GRIP2: variants seen among roughly 807,000 people sequenced by gnomAD.
GRIP2 encodes the protein glutamate receptor-interacting protein 2.
A neutral mutation model predicts 108.3 loss-of-function variants in GRIP2; 58 were observed. The ratio of observed to expected loss-of-function variants is 0.54; its 90% CI spans 0.43 to 0.67. GRIP2 has a LOEUF of 0.67. Among genes scored for constraint, GRIP2 ranks in the 30% least tolerant of loss-of-function variants. GRIP2 has a pLI of 0.00. For missense variants in GRIP2, 1,278 were observed against 1,430.6 expected (o/e 0.89, Z 1.72); for synonymous variants, 586 against 598.2 (o/e 0.98, Z 0.30).
the GRIP2 span, among the ~76,000 whole-genome samples, chr3:14,587,277 G>C: frequency 6.6e-6 from 1 of 152,170 alleles, no homozygotes; most frequent in Non-Finnish European, 1.5e-5. Context: ...AACATCTTAT[G>C]TGGTTTTATA....
At chr3:14,574,322 G>T in the GRIP2 span, 1 of 1,018,504 alleles carries the variant, frequency 9.8e-7, no homozygotes, top group Non-Finnish European at 1.5e-6. Flanking sequence ...GCTTCTCCCG[G>T]GCGAAGAGTT....
In GRIP2 at chr3:14,523,621, CA is replaced by C; in HGVS notation, c.480del (p.Phe160LeufsTer19). ...CAATTCTTTCACTGACCTCTAAGGACAAAGCCAAAGCTATTGCCCTCCTTGT... is the reference window on the plus strand; with the variant it reads ...CAATTCTTTCACTGACCTCTAAGGACAAGCCAAAGCTATTGCCCTCCTTGT... ...SLYKEGNSFGFVLRGGAHEDG... is the reference protein window; with the variant it reads ...SLYKEGNSFGXVLRGGAHEDG... On this transcript the variant is annotated frameshift_variant, in exon 5 of 24. Transcript: ENST00000621039. LOFTEE classifies it high-confidence loss of function. 1 of 1,610,432 alleles carries C rather than the reference CA, an allele frequency of 6.2e-7. No individual in the cohort carries two copies. The highest frequency in any genetic ancestry group is 8.5e-7 in the Non-Finnish European group (1 of 1,178,012).
At position 14,517,868 on chromosome 3, in the gene GRIP2, G is replaced by A. The variant is rs766642213; in HGVS notation, c.1060C>T (p.Arg354Cys). 37 of 1,593,092 alleles carry A rather than the reference G, an allele frequency of 2.3e-5. No individual in the cohort carries two copies. Among genetic ancestry groups the A allele is most frequent in the Admixed American group, 5.3e-5 (3 of 56,974 alleles). Residue 354 changes from arginine (R) to cysteine (C), a missense_variant, in exon 10 of 24, where the codon CGC becomes TGC. Physicochemically the swap from Arg to Cys is radical, Grantham distance 180 (BLOSUM62 -3). Transcript: ENST00000621039. ...VKVQRSEQLH[R>C]WDPCVPSCHS... ...CAGGAGGGCACGCAGGGGTCCCAGC[G>A]GTGCAGCTGCTCACTCCTCTGCACT...
intron 21 of GRIP2, among the ~76,000 whole-genome samples, chr3:14,500,782 T>G (rs7624314): frequency 6.6e-6 from 1 of 152,118 alleles, no homozygotes; most frequent in Admixed American, 6.5e-5. Context: ...AAAAGGGGTA[T>G]GCAAGAAGCA....
Position 14,513,707 on chromosome 3 carries a change from G to C in GRIP2, c.1597C>G (p.Leu533Val). 1 of 1,610,834 alleles carries C rather than the reference G, an allele frequency of 6.2e-7. No homozygotes were observed. Among genetic ancestry groups the C allele is most frequent in the Non-Finnish European group, 8.5e-7 (1 of 1,178,738 alleles). The stretch of plus-strand genomic sequence containing the variant: ...ACCTCCAGCACGACCTTGTGGGCCA[G>C]TGCGGCGTCCCGCAGGAGCTGGTTG... ...EANQLLRDAA[L>V]AHKVVLEVEF... Residue 533 changes from leucine to valine, a missense_variant, in exon 13 of 24, where the codon CTG (leucine) becomes GTG (valine). Leu to Val is a conservative substitution (Grantham distance 32). Coordinates refer to ENST00000621039, the MANE Select transcript of GRIP2 (RefSeq NM_001080423.4).
the GRIP2 span, among the ~76,000 whole-genome samples, chr3:14,580,226 G>A: frequency 1.3e-5 from 2 of 152,222 alleles, no homozygotes; most frequent in Non-Finnish European, 1.5e-5. Flanking sequence ...CCAAGTCCTG[G>A]TGGCCCCAGA....
chr3:14,555,884 C>G (rs1004963351), intron 1 of GRIP2: 17 of 399,230 alleles, frequency 4.3e-5, no homozygotes, highest in Non-Finnish European at 7.1e-5. Context: ...CGCCCTCCAC[C>G]CAGACTCACC....
chr3:14,601,244 GC>G, the GRIP2 span, among the ~76,000 whole-genome samples: 36 of 152,198 alleles, frequency 2.4e-4, no homozygotes, highest in South Asian at 8.3e-4. Flanking sequence ...AGGACAGGTT[GC>G]CCCCCACCCC....
chr3:14,553,952 T>C (rs537900964), intron 1 of GRIP2, among the ~76,000 whole-genome samples: 5 of 152,240 alleles, frequency 3.3e-5, no homozygotes, highest in African/African-American at 9.6e-5. Context: ...ATCAACCAGG[T>C]TGAGCCCTCC....
the GRIP2 span, among the ~76,000 whole-genome samples, chr3:14,593,357 T>C: frequency 5.3e-5 from 8 of 152,214 alleles, no homozygotes; most frequent in Admixed American, 5.2e-4. Context: ...CCTAGGGGCC[T>C]CCCCACTGGG....
chr3:14,571,002 G>T, the GRIP2 span, among the ~76,000 whole-genome samples: 1 of 152,164 alleles, frequency 6.6e-6, no homozygotes, highest in Admixed American at 6.5e-5. Context: ...GCACTGCAGG[G>T]TGTTGGCAGC....
Position 14,520,725 on chromosome 3 carries a change from T to A in GRIP2, c.713-188A>T, listed in dbSNP as rs539662143. The A allele has an allele frequency of 1.5e-5, 10 of 656,154 alleles. No homozygotes were observed. The East Asian group carries it at 2.8e-4, about 18-fold the overall frequency. The allele number at this position is 656,154 out of a possible 1,614,324, so 40.6% of individuals were successfully genotyped here. A position where few individuals can be genotyped will look rare whatever the true frequency, so the allele number is the denominator to read the frequency against. ...CCAAATGTTATATCAATTTGACAGA[T>A]AAGATAGCAGTGGAGGAGGGGCAGG... On this transcript the variant is annotated intron_variant, in intron 7 of 23. Transcript: ENST00000621039.
At chr3:14,540,697 A>T (rs1694950709), upstream of GRIP2, among the ~76,000 whole-genome samples, 1 of 151,410 alleles carries the variant, frequency 6.6e-6, no homozygotes, top group Non-Finnish European at 1.5e-5. This position sits in a 1 kb window ranked among gnomAD's most constrained non-coding sequence, Gnocchi z 4.1. Context: ...GTGCTTTCCA[A>T]ACTTTTTTTT....
chr3:14,583,448 G>C, the GRIP2 span, among the ~76,000 whole-genome samples: 1 of 152,180 alleles, frequency 6.6e-6, no homozygotes, highest in Non-Finnish European at 1.5e-5. Flanking sequence ...CCACCTCCCA[G>C]GGAAGTCCAG....
chr3:14,528,003 C>T (rs1337031164), intron 1 of GRIP2, among the ~76,000 whole-genome samples: 2 of 152,204 alleles, frequency 1.3e-5, no homozygotes, highest in Non-Finnish European at 2.9e-5. Context: ...ACCACCACGA[C>T]CAAGTTTTAG....
rs1484348467 is a variant in GRIP2 at position 14,525,858 on chromosome 3, G to T, written c.114C>A (p.Ser38Arg). 1.9e-6 allele frequency: 3 copies of T among 1,558,052 alleles called. No individual in the cohort carries two copies. Among genetic ancestry groups the T allele is most frequent in the African/African-American group, 2.7e-5 (2 of 73,476 alleles). ...TGAGGGAAGCCTCATTACCTGGAAT[G>T]CTCTGTCTGCGGCACGCCAGGGAAA... ...ADVSLACRRQ[S>R]IPEEFRGITV... The change falls in exon 2 of 24, where the codon AGC (serine) becomes AGA (arginine). Residue 38 changes from serine (S) to arginine (R), a missense_variant. Physicochemically the swap from Ser to Arg is moderately radical, Grantham distance 110. Coordinates refer to ENST00000621039, the MANE Select transcript of GRIP2 (RefSeq NM_001080423.4).
At chr3:14,558,444 A>T (rs1310748200), upstream of GRIP2, among the ~76,000 whole-genome samples, 2 of 151,864 alleles carry the variant, frequency 1.3e-5, no homozygotes, top group East Asian at 3.9e-4. Flanking sequence ...GCCGCTTCCT[A>T]GCTCCATCAG....
In GRIP2 at chr3:14,506,976, G is replaced by A. The variant is rs777402690; in HGVS notation, c.2223C>T (p.Pro741=). The change falls in exon 19 of 24, where the codon CCC becomes CCT. Residue 741 remains proline (P), a synonymous_variant. Coordinates refer to ENST00000621039, the MANE Select transcript of GRIP2 (RefSeq NM_001080423.4). ...TLKIKKQLDR[P]LLPRKSGSLS... ...GGCTGCCCGACTTGCGGGGTAGGAGGGGACCTGGGAGGAGAGAGGGGTGTC... is the reference window on the plus strand; with the variant it reads ...GGCTGCCCGACTTGCGGGGTAGGAGAGGACCTGGGAGGAGAGAGGGGTGTC... The A allele has an allele frequency of 1.3e-6, 2 of 1,599,098 alleles. No individual in the cohort carries two copies. Among genetic ancestry groups the A allele is most frequent in the Admixed American group, 3.5e-5 (2 of 57,912 alleles).
At chr3:14,560,953 C>G (rs561090719), upstream of GRIP2, among the ~76,000 whole-genome samples, 1 of 152,326 alleles carries the variant, frequency 6.6e-6, no homozygotes, top group Non-Finnish European at 1.5e-5. Context: ...CAGAGGACCC[C>G]TGGGCCCTCA....
Sources: allele counts gnomAD v4.1 joint callset (sites outside exome capture counted in the v4.1 genomes callset), GRCh38; gene constraint gnomAD v4.1.1; non-coding constraint Gnocchi (gnomAD v3.1); transcripts MANE v1.5; gene names NCBI Gene and HGNC (gene_info 2026-07-23, HGNC 2026-07-21).